Variants in SLC41A2 observed in about 807,000 individuals in gnomAD.
SLC41A2 encodes the protein SLC41A1-like 1.
A neutral mutation model predicts 58.3 loss-of-function variants in SLC41A2; 32 were observed. The observed-to-expected ratio is 0.55, with a 90% CI of 0.41 to 0.74. The LOEUF is 0.74. Among genes scored for constraint, SLC41A2 ranks in the 30% least tolerant of loss-of-function variants. The pLI, the probability that SLC41A2 is intolerant of heterozygous loss-of-function variation, is 0.00. For missense variants in SLC41A2, 514 were observed against 680.6 expected (o/e 0.76, Z 2.72); for synonymous variants, 190 against 235.0 (o/e 0.81, Z 1.75).
rs1002962889 is a variant in SLC41A2, at chr12:104,901,450, G to A, written c.664-6105C>T. ...ATTCAAGTTAATCATCATAACTTTA[G>A]AAACAAGTTTTGACTCAAGTAAGAT... On this transcript the variant is annotated intron_variant, in intron 3 of 10. Transcript: ENST00000258538. Among the ~76,000 whole-genome samples the A allele has an allele frequency of 2.6e-5, 4 of 152,042 alleles. No individual in the cohort carries two copies. The East Asian group carries it at 5.8e-4, about 22-fold the overall frequency.
intron 5 of SLC41A2, 56 bp from the exon 6 acceptor site, chr12:104,886,495 C>T (rs1412045518): frequency 2.6e-6 from 4 of 1,557,146 alleles, no homozygotes; most frequent in Non-Finnish European, 3.5e-6. Context: ...AAATCAATCC[C>T]CCAAATACCA....
chr12:104,879,098 C>T (rs1347309744), intron 6 of SLC41A2, among the ~76,000 whole-genome samples: 1 of 152,244 alleles, frequency 6.6e-6, no homozygotes, highest in Non-Finnish European at 1.5e-5. Context: ...CTGTTGGCTG[C>T]ATAAATGTTT....
At chr12:104,923,977 A>G (rs915989285) in intron 2 of SLC41A2, among the ~76,000 whole-genome samples, 1 of 152,232 alleles carries the variant, frequency 6.6e-6, no homozygotes, top group Non-Finnish European at 1.5e-5. Context: ...CAGGAGGAAA[A>G]GAACTATTTC....
intron 4 of SLC41A2, among the ~76,000 whole-genome samples, chr12:104,889,454 G>A (rs1319249894): frequency 6.6e-6 from 1 of 152,044 alleles, no homozygotes; most frequent in Non-Finnish European, 1.5e-5. Flanking sequence ...ATAACTAATA[G>A]ATCACCTAAG....
intron 1 of SLC41A2, among the ~76,000 whole-genome samples, chr12:104,935,739 G>T (rs1444698686): frequency 6.6e-6 from 1 of 152,082 alleles, no homozygotes; most frequent in Non-Finnish European, 1.5e-5. Context: ...TTACAATGGA[G>T]CTCAAAAATT....
intron 2 of SLC41A2, among the ~76,000 whole-genome samples, chr12:104,911,913 T>G (rs866520097): frequency 7.0e-4 from 106 of 152,334 alleles, no homozygotes; most frequent in Middle Eastern, 6.8e-3. Context: ...ACAATTCTGA[T>G]GTGCTAATGA....
rs201131597 is a variant in SLC41A2, at chr12:104,886,351, G to A, written c.969C>T (p.Gly323=). The A allele has an allele frequency of 8.3e-5, 134 of 1,613,462 alleles. 1 individual carries two copies. Among genetic ancestry groups the A allele is most frequent in the Middle Eastern group, 6.6e-4 (4 of 6,082 alleles). Residue 323 remains glycine, a synonymous_variant, in exon 6 of 11, where the codon GGC becomes GGT. Coordinates refer to ENST00000258538, the MANE Select transcript of SLC41A2 (RefSeq NM_001352171.3). ...NVATPIAASF[G]DLITLAILAW... is the part of the protein sequence containing the mutation. ...CCAATATGGCAAGAGTTATAAGGTCGCCAAAACTAGCAGCAATGGGTGTAG... is the reference window on the plus strand; with the variant it reads ...CCAATATGGCAAGAGTTATAAGGTCACCAAAACTAGCAGCAATGGGTGTAG...
intron 10 of SLC41A2, among the ~76,000 whole-genome samples, chr12:104,841,295 T>C (rs1423179015): frequency 6.6e-6 from 1 of 150,652 alleles, no homozygotes; most frequent in Non-Finnish European, 1.5e-5. Flanking sequence ...TGGTGTTTAT[T>C]GAAGACAAGG....
intron 10 of SLC41A2, among the ~76,000 whole-genome samples, chr12:104,838,225 C>A (rs1426753134): frequency 1.3e-5 from 2 of 152,180 alleles, no homozygotes; most frequent in African/African-American, 4.8e-5. Context: ...AGAAATGGAA[C>A]ATTTTTGCTC....
chr12:104,881,878 TTC>T (rs2044387323), intron 6 of SLC41A2, among the ~76,000 whole-genome samples: 1 of 152,172 alleles, frequency 6.6e-6, no homozygotes, highest in South Asian at 2.1e-4. Flanking sequence ...CTTGTTAACT[TTC>T]TGTCTCGTTG....
At chr12:104,872,570 C>A (rs1483998628) in intron 6 of SLC41A2, among the ~76,000 whole-genome samples, 1 of 152,002 alleles carries the variant, frequency 6.6e-6, no homozygotes, top group African/African-American at 2.4e-5. Flanking sequence ...CCCGTCTCTA[C>A]TAAAATACAA....
intron 5 of SLC41A2, among the ~76,000 whole-genome samples, chr12:104,887,265 G>A (rs1352255326): frequency 6.6e-6 from 1 of 151,840 alleles, no homozygotes; most frequent in Admixed American, 6.6e-5. Flanking sequence ...AACAGTAACA[G>A]AATCTCACAG....
chr12:104,924,280 G>A (rs1029985695), intron 2 of SLC41A2, among the ~76,000 whole-genome samples: 3 of 152,168 alleles, frequency 2.0e-5, no homozygotes, highest in Non-Finnish European at 2.9e-5. Flanking sequence ...GTAGAAATAA[G>A]AATATAGAGT....
At chr12:104,897,600 C>T (rs1033058788) in intron 3 of SLC41A2, among the ~76,000 whole-genome samples, 1 of 151,430 alleles carries the variant, frequency 6.6e-6, no homozygotes, top group Non-Finnish European at 1.5e-5. Context: ...TAAGATAAAA[C>T]AATAAATAAC....
chr12:104,923,092 G>T (rs2046671279), intron 2 of SLC41A2, among the ~76,000 whole-genome samples: 1 of 151,228 alleles, frequency 6.6e-6, no homozygotes, highest in African/African-American at 2.4e-5. Flanking sequence ...GCCGGGCGCG[G>T]TGGCTCATGC....
At chr12:104,920,671 TC>T (rs2046552653) in intron 2 of SLC41A2, among the ~76,000 whole-genome samples, 3 of 151,994 alleles carry the variant, frequency 2.0e-5, no homozygotes, top group Admixed American at 1.3e-4. Context: ...ACACCTGTAA[TC>T]CCAGCACTTT....
rs373859157 is a variant in SLC41A2, at chr12:104,905,015, C to T, written c.663+4640G>A. ...CCCACAACCTGCTGATTGGTAGAGC[C>T]GAGTGGCCTGTTTTGTCAGGGCACT... On this transcript the variant is annotated intron_variant, in intron 3 of 10. Coordinates refer to ENST00000258538, the MANE Select transcript of SLC41A2 (RefSeq NM_001352171.3). Among the ~76,000 whole-genome samples, 1,293 of 152,004 alleles carry T rather than the reference C, an allele frequency of 8.5e-3. 17 individuals are homozygous for T. Among genetic ancestry groups the T allele is most frequent in the African/African-American group, 0.029 (1,190 of 41,426 alleles).
intron 10 of SLC41A2, among the ~76,000 whole-genome samples, chr12:104,832,621 TTATAGC>T: frequency 6.6e-6 from 1 of 152,180 alleles, no homozygotes. Flanking sequence ...TAGTTAACTG[TTATAGC>T]TATAGATAAT....
intron 3 of SLC41A2, among the ~76,000 whole-genome samples, chr12:104,898,806 T>G (rs949602915): frequency 5.9e-5 from 9 of 152,064 alleles, no homozygotes; most frequent in African/African-American, 2.2e-4. Flanking sequence ...CAATCCAACT[T>G]AAAAAGTGGG....
Sources: allele counts gnomAD v4.1 joint callset (sites outside exome capture counted in the v4.1 genomes callset), GRCh38; gene constraint gnomAD v4.1.1; transcripts MANE v1.5; gene names NCBI Gene and HGNC (gene_info 2026-07-23, HGNC 2026-07-21).